NTM: variants seen among roughly 807,000 people sequenced by gnomAD.
NTM encodes IgLON family member 2.
Under a neutral mutation model 42.1 loss-of-function variants are expected in NTM, and 13 were observed. The ratio of observed to expected loss-of-function variants is 0.31; its 90% CI spans 0.20 to 0.49. NTM has a LOEUF of 0.49. NTM is among the 20% of genes least tolerant of loss of function. The probability of loss-of-function intolerance (pLI) is 0.99; values close to 1 mark genes in which losing one functional copy is unlikely to be tolerated. For synonymous variants in NTM, 187 were observed against 179.2 expected, an observed-to-expected ratio of 1.04 and a Z score of -0.35; for missense variants, 373 against 452.8, an observed-to-expected ratio of 0.82 and a Z score of 1.60.
At chr11:131,852,562 C>T (rs555822797) in intron 1 of NTM, among the ~76,000 whole-genome samples, 11 of 152,280 alleles carry the variant, frequency 7.2e-5, no homozygotes, top group African/African-American at 2.6e-4. Context: ...TCTGGCAGCT[C>T]CATGGTCACC....
chr11:131,968,024 AATAAC>A (rs2063054991), intron 2 of NTM, among the ~76,000 whole-genome samples: 1 of 152,200 alleles, frequency 6.6e-6, no homozygotes, highest in Non-Finnish European at 1.5e-5. Flanking sequence ...ATCGGCTAGA[AATAAC>A]ATAAATAAAT....
intron 1 of NTM, among the ~76,000 whole-genome samples, chr11:131,674,041 T>G (rs536036861): frequency 6.6e-6 from 1 of 152,264 alleles, no homozygotes; most frequent in South Asian, 2.1e-4. Context: ...ATATGTTATT[T>G]TACAACCTTG....
rs114324956 is a variant in NTM at position 131,996,184 on chromosome 11, A to G, written c.167+84536A>G. The stretch of plus-strand genomic sequence containing the variant: ...CATCTGAAGAGTTTTCAGTAGGGAC[A>G]TGATCAATCTGTGTTTTAAGTACAG... On this transcript the variant is annotated intron_variant, in intron 2 of 8. Transcript: ENST00000683400. 4.5e-3 allele frequency among the ~76,000 whole-genome samples: 692 copies of G among 152,290 alleles called. 10 individuals carry two copies. The highest frequency in any genetic ancestry group is 0.016 in the African/African-American group (649 of 41,556).
intron 2 of NTM, among the ~76,000 whole-genome samples, chr11:131,989,015 C>A (rs2066556580): frequency 6.6e-6 from 1 of 152,076 alleles, no homozygotes; most frequent in Non-Finnish European, 1.5e-5. Context: ...GGTCCATAAC[C>A]TTCTGCACCA....
chr11:132,221,666 G>A (rs1301021425), intron 4 of NTM, among the ~76,000 whole-genome samples: 1 of 152,178 alleles, frequency 6.6e-6, no homozygotes, highest in Non-Finnish European at 1.5e-5. Context: ...TGATTGTGAT[G>A]CAAGCTCAAG....
intron 1 of NTM, chr11:131,769,619 A>G (rs1205188604): frequency 6.2e-6 from 6 of 975,010 alleles, no homozygotes; most frequent in East Asian, 1.1e-4. Context: ...GCTCCACACA[A>G]TCCTGCCTGT....
intron 2 of NTM, among the ~76,000 whole-genome samples, chr11:131,985,287 C>T (rs985981652): frequency 3.4e-4 from 52 of 152,194 alleles, no homozygotes; most frequent in African/African-American, 1.2e-3. Context: ...CAACAAGGGT[C>T]TACAGACTTC....
chr11:131,854,573 A>G (rs964920433), intron 1 of NTM, among the ~76,000 whole-genome samples: 2 of 152,160 alleles, frequency 1.3e-5, no homozygotes, highest in African/African-American at 4.8e-5. Flanking sequence ...GCATGAGCTC[A>G]GTATGTTGGA....
intron 3 of NTM, 85 bp from the exon 4 acceptor site, chr11:132,211,937 T>C (rs2082914269): frequency 1.5e-6 from 2 of 1,372,704 alleles, no homozygotes; most frequent in Non-Finnish European, 2.0e-6. Flanking sequence ...TTTTACTCTC[T>C]GGACTGTTCT....
At chr11:131,704,788 A>G (rs1247400307) in intron 1 of NTM, among the ~76,000 whole-genome samples, 1 of 152,242 alleles carries the variant, frequency 6.6e-6, no homozygotes, top group Admixed American at 6.5e-5. Flanking sequence ...AACCATTTTA[A>G]AAAACAGAAA....
rs2070468557 is a variant in NTM, at chr11:132,146,584, C to G, written c.400+70C>G. ...GAAAGCCTTCAGGTAAAGGTTTGTT[C>G]TCTGATCCTCAACAGAGATGAGTTA... is the stretch of plus-strand genomic sequence containing the variant. On this transcript the variant is annotated intron_variant, in intron 3 of 8. Transcript: ENST00000683400. This position sits in a 1 kb window ranked among gnomAD's most constrained non-coding sequence, Gnocchi z 4.5. 6.7e-7 allele frequency: 1 copy of G among 1,498,366 alleles called. No homozygotes were observed. Among genetic ancestry groups the G allele is most frequent in the African/African-American group, 1.4e-5 (1 of 72,388 alleles). 92.8% of individuals were successfully genotyped at this position (1,498,366 alleles called of 1,614,324 possible). A position where few individuals can be genotyped will look rare whatever the true frequency, so the allele number is the denominator to read the frequency against.
At chr11:132,164,020 G>A (rs1337842853) in intron 3 of NTM, among the ~76,000 whole-genome samples, 1 of 152,170 alleles carries the variant, frequency 6.6e-6, no homozygotes, top group African/African-American at 2.4e-5. Context: ...TCATGCCGCT[G>A]GTTAAGCACA....
At chr11:131,832,370 C>T (rs1209514521) in intron 1 of NTM, among the ~76,000 whole-genome samples, 1 of 151,968 alleles carries the variant, frequency 6.6e-6, no homozygotes, top group African/African-American at 2.4e-5. Flanking sequence ...AGAAACCTCA[C>T]TTTTAAGAAA....
At chr11:131,690,320 TGCATGTA>T (rs1366389880) in intron 1 of NTM, among the ~76,000 whole-genome samples, 1 of 152,146 alleles carries the variant, frequency 6.6e-6, no homozygotes, top group Non-Finnish European at 1.5e-5. Flanking sequence ...CCCAGGGGGA[TGCATGTA>T]GCAGGTAGAG....
intron 1 of NTM, among the ~76,000 whole-genome samples, chr11:131,460,299 G>C (rs957684409): frequency 6.0e-5 from 9 of 150,288 alleles, no homozygotes; most frequent in African/African-American, 2.2e-4. Context: ...TCTCTCACTT[G>C]GTTCTCATTT....
chr11:132,288,552 A>G (rs1222942901), intron 4 of NTM, among the ~76,000 whole-genome samples: 3 of 152,180 alleles, frequency 2.0e-5, no homozygotes, highest in African/African-American at 7.2e-5. Context: ...TCACCCCAAA[A>G]TATTTCTTTT....
At chr11:131,823,733 TAAACAAAACA>T (rs1379062066) in intron 1 of NTM, among the ~76,000 whole-genome samples, 1 of 152,222 alleles carries the variant, frequency 6.6e-6, no homozygotes, top group Non-Finnish European at 1.5e-5. Context: ...GCTTAAAATT[TAAACAAAACA>T]AAACAAAACA....
At chr11:131,417,597 G>A (rs1947084392) in intron 1 of NTM, among the ~76,000 whole-genome samples, 1 of 152,126 alleles carries the variant, frequency 6.6e-6, no homozygotes, top group Non-Finnish European at 1.5e-5. Context: ...GGCTACTGTT[G>A]CTGGATGAAA....
intron 2 of NTM, among the ~76,000 whole-genome samples, chr11:131,953,397 G>C (rs186045926): frequency 6.6e-6 from 1 of 152,316 alleles, no homozygotes; most frequent in East Asian, 1.9e-4. Flanking sequence ...TGTGTGACTT[G>C]AGTATGCGTG....
Sources: gnomAD v4.1 joint callset for allele counts (sites outside exome capture counted in the v4.1 genomes callset) on GRCh38, gnomAD v4.1.1 for gene constraint, Gnocchi (gnomAD v3.1) non-coding constraint, MANE v1.5 for transcripts, NCBI Gene and HGNC (gene_info 2026-07-23, HGNC 2026-07-21) for gene names.